TSPEAR: variants seen among roughly 807,000 people sequenced by gnomAD.
TSPEAR encodes thrombospondin type laminin G domain and EAR repeats, also known as thrombospondin-type laminin G domain and EAR repeat-containing protein.
TSPEAR carries 69 observed loss-of-function variants against 71.6 expected under a neutral mutation model. That is an observed-to-expected ratio of 0.96 (90% CI 0.79 to 1.18). TSPEAR has a LOEUF of 1.18. Ranked by LOEUF, TSPEAR falls within the 50% of genes most tolerant of loss-of-function variation. The pLI, the probability that TSPEAR is intolerant of heterozygous loss-of-function variation, is 0.00. For synonymous variants in TSPEAR, 402 were observed against 387.2 expected (o/e 1.04, Z -0.45); for missense variants, 971 against 894.9 (o/e 1.09, Z -1.09).
chr21:44,523,251 CAGTCAGTT>C (rs1555914523), intron 8 of TSPEAR, among the ~76,000 whole-genome samples: 12 of 151,804 alleles, frequency 7.9e-5, no homozygotes, highest in Admixed American at 2.6e-4. Flanking sequence ...GTTGGTCAGT[CAGTCAGTT>C]AGCCAGCCAG....
At chr21:44,628,387 C>A (rs587641806) in intron 1 of TSPEAR, 7 of 337,298 alleles carry the variant, frequency 2.1e-5, no homozygotes, top group Non-Finnish European at 4.0e-5. Context: ...CAGCTGACTC[C>A]GTGCTGACTC....
chr21:44,679,957 G>T (rs1555947664), intron 1 of TSPEAR, among the ~76,000 whole-genome samples: 1 of 152,046 alleles, frequency 6.6e-6, no homozygotes, highest in East Asian at 1.9e-4. Flanking sequence ...TAAATGAAAT[G>T]CTCCAGGACA....
Position 44,499,952 on chromosome 21 carries a change from C to G in TSPEAR, c.1857-16G>C. On this transcript the variant is annotated splice_polypyrimidine_tract_variant and intron_variant, in intron 11 of 11. Transcript: ENST00000323084. Reference sequence around the variant, plus strand: ...GCCCTGCCACCTGCGGAACAGACAGCGGCAGCCGGGTCAGCCTGGGCTCTG... The same window carrying G: ...GCCCTGCCACCTGCGGAACAGACAGGGGCAGCCGGGTCAGCCTGGGCTCTG... 1 of 1,594,524 alleles carries G rather than the reference C, an allele frequency of 6.3e-7. No homozygotes were observed. Among genetic ancestry groups the G allele is most frequent in the South Asian group, 1.1e-5 (1 of 88,944 alleles).
At chr21:44,511,712 T>C (rs1202871702) in intron 9 of TSPEAR, among the ~76,000 whole-genome samples, 2 of 152,260 alleles carry the variant, frequency 1.3e-5, no homozygotes, top group Non-Finnish European at 1.5e-5. Flanking sequence ...CCCTGCTTCT[T>C]AGCTACTTGC....
chr21:44,551,536 G>A, intron 2 of TSPEAR: 1 of 1,532,284 alleles, frequency 6.5e-7, no homozygotes, highest in Non-Finnish European at 8.8e-7. Flanking sequence ...GTGAGTGTGT[G>A]TGTGAGCCTG....
intron 1 of TSPEAR, among the ~76,000 whole-genome samples, chr21:44,653,378 G>T (rs1555941864): frequency 1.3e-5 from 2 of 152,108 alleles, no homozygotes; most frequent in African/African-American, 2.4e-5. Context: ...GAAACCCGGG[G>T]CGGAGCCTCT....
Position 44,516,913 on chromosome 21 carries a change from G to A in TSPEAR, c.1566+4970C>T, listed in dbSNP as rs587666825. ...AAGAAAACACACCAGCTCTGCATGC[G>A]AGAACGCTCCCAGCTCTCCCATCTT... On this transcript the variant is annotated intron_variant, in intron 9 of 11. Coordinates refer to ENST00000323084, the MANE Select transcript of TSPEAR (RefSeq NM_144991.3). Among the ~76,000 whole-genome samples the A allele has an allele frequency of 7.9e-5, 12 of 152,256 alleles. 1 individual carries two copies. The highest frequency in any genetic ancestry group is 2.6e-4 in the African/African-American group (11 of 41,540).
At chr21:44,587,078 C>T (rs139083668) in intron 1 of TSPEAR, among the ~76,000 whole-genome samples, 5 of 152,254 alleles carry the variant, frequency 3.3e-5, no homozygotes, top group African/African-American at 7.2e-5. Flanking sequence ...GCATCCAAAT[C>T]GGTACAGAGG....
chr21:44,600,740 G>A (rs782610939), intron 1 of TSPEAR: 3 of 1,611,114 alleles, frequency 1.9e-6, no homozygotes, highest in Non-Finnish European at 2.5e-6. Flanking sequence ...TGCCCAGAGA[G>A]CTGCTGCGAG....
At chr21:44,697,499 TG>T in intron 1 of TSPEAR, 1 of 1,613,920 alleles carries the variant, frequency 6.2e-7, no homozygotes, top group East Asian at 2.2e-5. Context: ...CTCCTCCCCC[TG>T]CCAGCAGGCC....
chr21:44,658,615 C>A (rs1985312997), intron 1 of TSPEAR, among the ~76,000 whole-genome samples: 1 of 152,176 alleles, frequency 6.6e-6, no homozygotes, highest in Non-Finnish European at 1.5e-5. Flanking sequence ...GGCAGCAGCA[C>A]CTCTTCAGAG....
chr21:44,617,215 G>A (rs1982159979), intron 1 of TSPEAR, among the ~76,000 whole-genome samples: 1 of 152,248 alleles, frequency 6.6e-6, no homozygotes, highest in African/African-American at 2.4e-5. Flanking sequence ...GCTGTGCTGG[G>A]AGGTGGGACA....
At chr21:44,657,976 C>T in intron 1 of TSPEAR, 1 of 1,611,740 alleles carries the variant, frequency 6.2e-7, no homozygotes, top group Non-Finnish European at 8.5e-7. Context: ...AGCCACACGC[C>T]ACCATGTGCC....
At chr21:44,513,918 C>T (rs1462003917) in intron 9 of TSPEAR, among the ~76,000 whole-genome samples, 6 of 152,140 alleles carry the variant, frequency 3.9e-5, no homozygotes, top group Non-Finnish European at 5.9e-5. Context: ...GCCATGGGGG[C>T]AGCGCTACTG....
intron 9 of TSPEAR, among the ~76,000 whole-genome samples, chr21:44,512,317 A>G (rs2052410705): frequency 1.6e-5 from 2 of 123,528 alleles, no homozygotes; most frequent in East Asian, 2.8e-4. Context: ...GTGTCAGGAG[A>G]GAGGTGAGCC....
rs143105755 is a variant in TSPEAR at position 44,539,373 on chromosome 21, C to G, written c.304-5450G>C. On this transcript the variant is annotated intron_variant, in intron 2 of 11. Transcript: ENST00000323084. The stretch of plus-strand genomic sequence containing the variant: ...CAGGAGGCCGGGCGGCAGCAGCTGG[C>G]CTGGCAGGAGGAGGCAGGGGCACAG... 0.011 allele frequency: 17,127 copies of G among 1,612,844 alleles called. 112 individuals carry two copies. The highest frequency in any genetic ancestry group is 0.015 in the Middle Eastern group (85 of 5,822).
At chr21:44,630,328 G>C (rs2146208451) in intron 1 of TSPEAR, among the ~76,000 whole-genome samples, 1 of 152,346 alleles carries the variant, frequency 6.6e-6, no homozygotes, top group African/African-American at 2.4e-5. Context: ...CCTCCAGCCA[G>C]AGAAGCAGCT....
chr21:44,646,039 C>T (rs1018317488), intron 1 of TSPEAR, among the ~76,000 whole-genome samples: 1 of 132,658 alleles, frequency 7.5e-6, no homozygotes, highest in Non-Finnish European at 1.5e-5. Flanking sequence ...GTGGGAGAAT[C>T]GCTTGAACCC....
At chr21:44,705,047 CAG>C (rs1397923431) in intron 1 of TSPEAR, among the ~76,000 whole-genome samples, 2 of 152,236 alleles carry the variant, frequency 1.3e-5, no homozygotes, top group Non-Finnish European at 2.9e-5. Context: ...GGACCCCAAA[CAG>C]AGAGACCGGC....
Sources: gnomAD v4.1 joint callset for allele counts (sites outside exome capture counted in the v4.1 genomes callset) on GRCh38, gnomAD v4.1.1 for gene constraint, MANE v1.5 for transcripts, NCBI Gene and HGNC (gene_info 2026-07-23, HGNC 2026-07-21) for gene names.